Variants in SMURF1 observed in about 807,000 individuals in gnomAD.
SMURF1 encodes SMAD specific E3 ubiquitin protein ligase 1, also known as E3 ubiquitin-protein ligase SMURF1.
Under a neutral mutation model 98.0 loss-of-function variants are expected in SMURF1, and 44 were observed. The ratio of observed to expected loss-of-function variants is 0.45; its 90% confidence interval spans 0.35 to 0.58. The LOEUF is 0.58. SMURF1 is among the 20% of genes least tolerant of loss of function. SMURF1 has a pLI of 0.00. For missense variants in SMURF1, 687 were observed against 938.4 expected (o/e 0.73, Z 3.50); for synonymous variants, 396 against 374.9 (o/e 1.06, Z -0.65).
intron 13 of SMURF1, among the ~76,000 whole-genome samples, chr7:99,040,025 T>G (rs970886742): frequency 1.3e-5 from 2 of 152,170 alleles, no homozygotes; most frequent in African/African-American, 2.4e-5. Context: ...TGATCGCGCC[T>G]TCTTCATTCA....
rs564776517 is a variant in SMURF1 at position 99,054,018 on chromosome 7, A to G, written c.479+772T>C. Among the ~76,000 whole-genome samples, 138 of 151,676 alleles carry G rather than the reference A, an allele frequency of 9.1e-4. 5 individuals carry two copies. The South Asian group carries it at 0.028, about 30-fold the overall frequency. On this transcript the variant is annotated intron_variant, in intron 6 of 17. Coordinates refer to ENST00000361368, the MANE Select transcript of SMURF1 (RefSeq NM_181349.3). ...TGATCAGGGTTCACTGCAACTTCAAACTCCTGGACTCAAAGCAATCCTCCC... is the reference window on the plus strand; with the variant it reads ...TGATCAGGGTTCACTGCAACTTCAAGCTCCTGGACTCAAAGCAATCCTCCC...
chr7:99,049,631 C>A lies in SMURF1; in HGVS notation c.885G>T (p.Arg295Ser), dbSNP rs750758871. The change falls in exon 9 of 18, where the codon AGG (arginine) becomes AGT (serine). Residue 295 changes from arginine (R) to serine (S), a missense_variant. Transcript: ENST00000361368. The part of the protein sequence containing the change: ...GWEVRSTVSG[R>S]IYFVDHNNRT... The stretch of plus-strand genomic sequence containing the variant: ...GGTTATTATGATCTACAAAATATAT[C>A]CTCCCAGAAACTGTACTTCTGACTT... 1.3e-5 allele frequency: 21 copies of A among 1,614,002 alleles called. No homozygotes were observed. The Admixed American group carries it at 3.2e-4, about 24-fold the overall frequency.
intron 16 of SMURF1, among the ~76,000 whole-genome samples, chr7:99,033,362 G>T (rs1268242562): frequency 6.6e-6 from 1 of 152,214 alleles, no homozygotes; most frequent in Non-Finnish European, 1.5e-5. Flanking sequence ...TCAGGCTGGA[G>T]TGCAGTGGGG....
intron 3 of SMURF1, among the ~76,000 whole-genome samples, chr7:99,058,988 G>T (rs1462367027): frequency 1.3e-5 from 2 of 152,224 alleles, no homozygotes; most frequent in African/African-American, 4.8e-5. Context: ...GGAGGCTGAA[G>T]ATCGAGAATC....
intron 1 of SMURF1, among the ~76,000 whole-genome samples, chr7:99,137,220 A>G (rs1798012006): frequency 6.6e-6 from 1 of 152,230 alleles, no homozygotes; most frequent in Non-Finnish European, 1.5e-5. Flanking sequence ...CTATGACTGT[A>G]TTAATACTGT....
chr7:99,125,845 G>T (rs1159765428), intron 1 of SMURF1, among the ~76,000 whole-genome samples: 2 of 152,130 alleles, frequency 1.3e-5, no homozygotes, highest in Non-Finnish European at 2.9e-5. Flanking sequence ...CTCATTTCCT[G>T]ATCCAATCTC....
intron 7 of SMURF1, 40 bp downstream of exon 7, chr7:99,052,165 G>C (rs1178789409): frequency 1.3e-6 from 2 of 1,481,792 alleles, no homozygotes; most frequent in Non-Finnish European, 1.8e-6. Context: ...CATGGAAACA[G>C]GGCAGATGGC....
chr7:99,083,783 A>G (rs1190525806), intron 1 of SMURF1, among the ~76,000 whole-genome samples: 1 of 152,194 alleles, frequency 6.6e-6, no homozygotes, highest in Non-Finnish European at 1.5e-5. Context: ...TCATTCAAAT[A>G]TGGTTTGTTT....
At chr7:99,134,497 A>AT (rs906747045) in intron 1 of SMURF1, among the ~76,000 whole-genome samples, 13 of 151,954 alleles carry the variant, frequency 8.6e-5, no homozygotes, top group South Asian at 4.1e-4. Context: ...TAAACTTTGG[A>AT]TTTTTTTTAC....
At chr7:99,050,769 C>A in intron 8 of SMURF1, 1 of 623,816 alleles carries the variant, frequency 1.6e-6, no homozygotes, top group Non-Finnish European at 2.7e-6. Context: ...GAAGTTTATT[C>A]TCAGATGAAA....
chr7:99,033,659 G>C (rs973550087), intron 16 of SMURF1, among the ~76,000 whole-genome samples: 1 of 152,220 alleles, frequency 6.6e-6, no homozygotes, highest in Non-Finnish European at 1.5e-5. Context: ...GGACTGCTAA[G>C]GCCCCCCCTA....
intron 1 of SMURF1, among the ~76,000 whole-genome samples, chr7:99,114,627 A>T (rs1365569707): frequency 6.6e-6 from 1 of 152,208 alleles, no homozygotes; most frequent in Admixed American, 6.5e-5. Flanking sequence ...AGAAAACAGA[A>T]GACTTAAAAA....
intron 8 of SMURF1, chr7:99,049,969 C>G: frequency 3.0e-6 from 1 of 332,072 alleles, no homozygotes; most frequent in East Asian, 5.1e-5. Context: ...TCCCAGCACT[C>G]TGGGAGGCAA....
At chr7:99,040,721 T>A (rs1169894919) in intron 12 of SMURF1, among the ~76,000 whole-genome samples, 165 bp from the exon 13 acceptor site, 2 of 152,154 alleles carry the variant, frequency 1.3e-5, no homozygotes, top group African/African-American at 4.8e-5. Context: ...GAAGGCTGCT[T>A]GTGTAGCAGA....
chr7:99,087,604 TAA>T (rs2150574844), intron 1 of SMURF1, among the ~76,000 whole-genome samples: 2 of 152,278 alleles, frequency 1.3e-5, no homozygotes, highest in Admixed American at 1.3e-4. Flanking sequence ...TGTCTGGGCA[TAA>T]GAGTTTAGAG....
chr7:99,141,038 T>C (rs1798109225), intron 1 of SMURF1, among the ~76,000 whole-genome samples: 1 of 152,192 alleles, frequency 6.6e-6, no homozygotes, highest in Admixed American at 6.5e-5. Context: ...GCAATCCTAT[T>C]GTAAGGATGA....
rs201217992 is a variant in SMURF1, at chr7:99,068,184, G to C, written c.56-6347C>G. ...TTCTGAATGTCTCTTGAATTTGTCT[G>C]TTCTGTATTTTTATACCCACTCTCT... On this transcript the variant is annotated intron_variant, in intron 1 of 17. Coordinates refer to ENST00000361368, the MANE Select transcript of SMURF1 (RefSeq NM_181349.3). Among the ~76,000 whole-genome samples, 5 of 152,254 alleles carry C rather than the reference G, an allele frequency of 3.3e-5. No individual in the cohort carries two copies. In the East Asian group the frequency reaches 7.7e-4, roughly 23 times the overall value.
chr7:99,132,699 G>GACACACAC (rs113194877), intron 1 of SMURF1, among the ~76,000 whole-genome samples: 2,977 of 147,380 alleles, frequency 0.02, 70 homozygotes, highest in Admixed American at 0.062. Flanking sequence ...CAGACACACG[G>GACACACAC]ACACACACAC....
At chr7:99,126,571 C>T (rs780653858) in intron 1 of SMURF1, among the ~76,000 whole-genome samples, 4 of 152,138 alleles carry the variant, frequency 2.6e-5, no homozygotes, top group African/African-American at 7.2e-5. Context: ...AGGAGAATTG[C>T]TTGAACCCAG....
Sources: allele counts gnomAD v4.1 joint callset (sites outside exome capture counted in the v4.1 genomes callset), GRCh38; gene constraint gnomAD v4.1.1; transcripts MANE v1.5; gene names NCBI Gene and HGNC (gene_info 2026-07-23, HGNC 2026-07-21).